Variants in ENTR1 observed in about 807,000 individuals in gnomAD.
ENTR1 encodes endosome-associated-trafficking regulator 1.
Under a neutral mutation model 47.9 loss-of-function variants are expected in ENTR1, and 47 were observed. The ratio of observed to expected loss-of-function variants is 0.98; its 90% CI spans 0.78 to 1.25. The LOEUF (loss-of-function observed/expected upper bound fraction) is 1.25, where lower values mean the gene tolerates loss of function less well. Among genes scored for constraint, ENTR1 ranks in the 50% most tolerant of loss-of-function variants. The pLI is 0.00. For synonymous variants in ENTR1, 290 were observed against 245.8 expected (o/e 1.18, Z -1.68); for missense variants, 668 against 570.5 (o/e 1.17, Z -1.74).
In ENTR1 at chr9:136,404,116, T is replaced by C. The variant is rs768022254; in HGVS notation, c.1147A>G (p.Asn383Asp). 3 of 1,613,446 alleles carry C rather than the reference T, an allele frequency of 1.9e-6. No homozygotes were observed. Among genetic ancestry groups the C allele is most frequent in the Non-Finnish European group, 1.7e-6 (2 of 1,179,844 alleles). Residue 383 changes from asparagine to aspartate, a missense_variant, in exon 9 of 10, where the codon AAC (asparagine) becomes GAC (aspartate). Coordinates refer to ENST00000357365, the MANE Select transcript of ENTR1 (RefSeq NM_001039707.2). Reference sequence around the variant, plus strand: ...AGGTTCTGCAGGGCCACGTCGGCGTTCTGCTTCACCACGGTCAGGCTGGCA... The same window carrying C: ...AGGTTCTGCAGGGCCACGTCGGCGTCCTGCTTCACCACGGTCAGGCTGGCA... ...QGASLTVVKQ[N>D]ADVALQNLRV...
At position 136,407,878 on chromosome 9, in the gene ENTR1, G is replaced by T; in HGVS notation, c.350C>A (p.Thr117Asn). The change falls in exon 4 of 10, where the codon ACC (threonine) becomes AAC (asparagine). Residue 117 changes from threonine to asparagine, a missense_variant. Physicochemically the swap from Thr to Asn is moderately conservative, Grantham distance 65. Transcript: ENST00000357365. ...CTCTTTCGAGAGGCCGAGGTTCTTG[G>T]TCTTCAGAAACTCTCTAAAAGAGAA... ...NPFSFREFLK[T>N]KNLGLSKEDP... The T allele has an allele frequency of 6.2e-7, 1 of 1,613,628 alleles. No individual in the cohort carries two copies. The highest frequency in any genetic ancestry group is 8.5e-7 in the Non-Finnish European group (1 of 1,179,604).
At position 136,407,538 on chromosome 9, in the gene ENTR1, T is replaced by C. The variant is rs1295221666; in HGVS notation, c.426A>G (p.Gly142=). 11 of 1,545,732 alleles carry C rather than the reference T, an allele frequency of 7.1e-6. No individual in the cohort carries two copies. Among genetic ancestry groups the C allele is most frequent in the Non-Finnish European group, 9.6e-6 (11 of 1,151,388 alleles). Residue 142 remains glycine (G), a synonymous_variant, in exon 5 of 10, where the codon GGA becomes GGG. Coordinates refer to ENST00000357365, the MANE Select transcript of ENTR1 (RefSeq NM_001039707.2). ...GGGAGGGTGGGGAGTTGTGGTCAAGTCCCAGGGAATGCCTCGAGGCTTCCT... is the reference window on the plus strand; with the variant it reads ...GGGAGGGTGGGGAGTTGTGGTCAAGCCCCAGGGAATGCCTCGAGGCTTCCT... ...YAKEASRHSL[G]LDHNSPPSQT...
intron 7 of ENTR1, 43 bp downstream of exon 7, chr9:136,405,048 C>T: frequency 6.6e-7 from 1 of 1,515,906 alleles, no homozygotes. Flanking sequence ...CAGGAGCGCT[C>T]CTGCCCCACC....
intron 9 of ENTR1, among the ~76,000 whole-genome samples, chr9:136,403,721 G>A (rs965377596): frequency 3.3e-5 from 5 of 152,114 alleles, no homozygotes; most frequent in Non-Finnish European, 7.4e-5. Context: ...CTTCTGGGAA[G>A]TGGCTTTTTC....
intron 9 of ENTR1, 154 bp downstream of exon 9, chr9:136,403,901 G>T: frequency 1.2e-6 from 1 of 863,756 alleles, no homozygotes; most frequent in Non-Finnish European, 1.8e-6. Flanking sequence ...GACCCAGAGA[G>T]CTAACAGGAC....
At position 136,407,178 on chromosome 9, in the gene ENTR1, C is replaced by T; in HGVS notation, c.786G>A (p.Arg262=). Residue 262 remains arginine (R), a synonymous_variant, in exon 5 of 10, where the codon AGG becomes AGA. Coordinates refer to ENST00000357365, the MANE Select transcript of ENTR1 (RefSeq NM_001039707.2). ...FAVHGESLGD[R]HLRTLQISYD... ...AACTTATCTGCAGCGTCCGCAGGTGCCTGTCTCCCAGAGACTCTCCATGAA... is the reference window on the plus strand; with the variant it reads ...AACTTATCTGCAGCGTCCGCAGGTGTCTGTCTCCCAGAGACTCTCCATGAA... 6.2e-7 allele frequency: 1 copy of T among 1,607,348 alleles called. No homozygotes were observed. Among genetic ancestry groups the T allele is most frequent in the African/African-American group, 1.3e-5 (1 of 74,926 alleles).
rs1834857805 is a variant in ENTR1, at chr9:136,407,883, C to T, written c.345G>A (p.Leu115=). 6.2e-7 allele frequency: 1 copy of T among 1,613,642 alleles called. No individual in the cohort carries two copies. The highest frequency in any genetic ancestry group is 8.5e-7 in the Non-Finnish European group (1 of 1,179,586). The change falls in exon 4 of 10, where the codon CTG becomes CTA. Residue 115 remains leucine (L), a synonymous_variant. Transcript: ENST00000357365. ...EANPFSFREF[L]KTKNLGLSKE... is the part of the protein sequence containing the mutation. ...TCGAGAGGCCGAGGTTCTTGGTCTTCAGAAACTCTCTAAAAGAGAATGGAT... is the reference window on the plus strand; with the variant it reads ...TCGAGAGGCCGAGGTTCTTGGTCTTTAGAAACTCTCTAAAAGAGAATGGAT...
intron 4 of ENTR1, 74 bp from the exon 5 acceptor site, chr9:136,407,635 T>A: frequency 1.3e-6 from 2 of 1,487,474 alleles, no homozygotes; most frequent in Non-Finnish European, 1.8e-6. Context: ...TTCTGTGTTC[T>A]GCCTCGCAAC....
In ENTR1 at chr9:136,402,847, C is replaced by T. The variant is rs369068460; in HGVS notation, c.1249G>A (p.Glu417Lys). ...ATTCTGTCTATAGATTTAAGGATTTCGGCAACAAGATTCAGTGTCTCAGCT... is the reference window on the plus strand; with the variant it reads ...ATTCTGTCTATAGATTTAAGGATTTTGGCAACAAGATTCAGTGTCTCAGCT... ...SGAETLNLVA[E>K]ILKSIDRISE... The change falls in exon 10 of 10, where the codon GAA becomes AAA. Residue 417 changes from glutamate to lysine, a missense_variant. Glu to Lys is a moderately conservative substitution (Grantham distance 56). Coordinates refer to ENST00000357365, the MANE Select transcript of ENTR1 (RefSeq NM_001039707.2). 27 of 1,612,810 alleles carry T rather than the reference C, an allele frequency of 1.7e-5. No homozygotes were observed. The highest frequency in any genetic ancestry group is 1.1e-4 in the African/African-American group (8 of 74,756).
chr9:136,410,184 G>T lies in ENTR1; in HGVS notation c.126C>A (p.Pro42=), dbSNP rs781328096. The T allele has an allele frequency of 3.1e-6, 5 of 1,608,020 alleles. No homozygotes were observed. Among genetic ancestry groups the T allele is most frequent in the Non-Finnish European group, 4.2e-6 (5 of 1,178,082 alleles). The part of the protein sequence containing the change: ...SCLPQLNCER[P]HGRDLDSPFF... ...AGGGGGAGTCCAGGTCCCTGCCATG[G>T]GGGCGCTCACAATTTAGCTGGGGGA... The change falls in exon 2 of 10, where the codon CCC becomes CCA. Residue 42 remains proline (P), a synonymous_variant. Coordinates refer to ENST00000357365, the MANE Select transcript of ENTR1 (RefSeq NM_001039707.2).
At chr9:136,404,556 C>G (rs1834667385) in intron 8 of ENTR1, 75 bp downstream of exon 8, 1 of 1,490,954 alleles carries the variant, frequency 6.7e-7, no homozygotes, top group Non-Finnish European at 9.3e-7. Context: ...CAGAGTCTTT[C>G]GCCTCTTTCT....
At chr9:136,409,989 G>T in intron 2 of ENTR1, 101 bp downstream of exon 2, 1 of 1,407,442 alleles carries the variant, frequency 7.1e-7, no homozygotes, top group Non-Finnish European at 1.0e-6. Flanking sequence ...TGAGCGCTCT[G>T]CACATTGATG....
At chr9:136,405,328 G>C in intron 6 of ENTR1, 126 bp from the exon 7 acceptor site, 1 of 720,332 alleles carries the variant, frequency 1.4e-6, no homozygotes, top group Non-Finnish European at 2.4e-6. Context: ...AGGCACAGAG[G>C]GGAGGCAGCG....
rs1485069168 is a variant in ENTR1, at chr9:136,402,719, A to G, written c.*69T>C. ...ACTGCATATTTAAGGACACAACTGC[A>G]CATTTAGATCGAGCGGTGGTGACCT... On this transcript the variant is annotated 3_prime_UTR_variant, in exon 10 of 10. Coordinates refer to ENST00000357365, the MANE Select transcript of ENTR1 (RefSeq NM_001039707.2). The G allele has an allele frequency of 5.9e-6, 6 of 1,024,418 alleles. No individual in the cohort carries two copies. The highest frequency in any genetic ancestry group is 9.2e-6 in the Non-Finnish European group (6 of 654,102). The allele number at this position is 1,024,418 out of a possible 1,614,324, so 63.5% of individuals were successfully genotyped here. A position where few individuals can be genotyped will look rare whatever the true frequency, so the allele number is the denominator to read the frequency against.
intron 7 of ENTR1, 29 bp from the exon 8 acceptor site, chr9:136,404,722 A>G (rs1458825788): frequency 6.2e-7 from 1 of 1,612,080 alleles, no homozygotes; most frequent in African/African-American, 1.3e-5. Flanking sequence ...AAACCACAAA[A>G]AGCATCACTG....
chr9:136,409,203 C>G (rs1344474522), intron 2 of ENTR1, 136 bp from the exon 3 acceptor site: 1 of 634,894 alleles, frequency 1.6e-6, no homozygotes, highest in Non-Finnish European at 2.7e-6. Flanking sequence ...TTTTTTGAGA[C>G]GGAGTCTTGC....
chr9:136,407,370 G>C lies in ENTR1; in HGVS notation c.594C>G (p.Pro198=), dbSNP rs1301450841. The change falls in exon 5 of 10, where the codon CCC becomes CCG. Residue 198 remains proline, a synonymous_variant. Transcript: ENST00000357365. ...YLPSAIEQTH[P]ERVPAGTSPC... ...GCGACGTGCCGGCAGGGACCCTCTCGGGGTGAGTCTGCTCGATGGCGGACG... is the reference window on the plus strand; with the variant it reads ...GCGACGTGCCGGCAGGGACCCTCTCCGGGTGAGTCTGCTCGATGGCGGACG... The C allele has an allele frequency of 2.5e-6, 4 of 1,607,332 alleles. No homozygotes were observed. The highest frequency in any genetic ancestry group is 3.4e-6 in the Non-Finnish European group (4 of 1,178,006).
chr9:136,403,741 G>A (rs1417769512), intron 9 of ENTR1, among the ~76,000 whole-genome samples: 1 of 152,132 alleles, frequency 6.6e-6, no homozygotes, highest in Non-Finnish European at 1.5e-5. Context: ...CAGCAGGAGG[G>A]AAACCCCCAC....
Position 136,410,555 on chromosome 9 carries a change from C to G in ENTR1, c.-158G>C. The G allele has an allele frequency of 8.8e-7, 1 of 1,137,710 alleles. No individual in the cohort carries two copies. The highest frequency in any genetic ancestry group is 1.1e-6 in the Non-Finnish European group (1 of 902,688). 70.5% of individuals were successfully genotyped at this position (1,137,710 alleles called of 1,614,324 possible). ...CGCGCCTCCGAGCCTCTCGCCGCTGCTTCCGCTCCGAGCACCGAAAGCGCG... is the reference window on the plus strand; with the variant it reads ...CGCGCCTCCGAGCCTCTCGCCGCTGGTTCCGCTCCGAGCACCGAAAGCGCG... On this transcript the variant is annotated 5_prime_UTR_variant, in exon 1 of 10. Coordinates refer to ENST00000357365, the MANE Select transcript of ENTR1 (RefSeq NM_001039707.2).
Sources: gnomAD v4.1 joint callset for allele counts (sites outside exome capture counted in the v4.1 genomes callset) on GRCh38, gnomAD v4.1.1 for gene constraint, MANE v1.5 for transcripts, NCBI Gene and HGNC (gene_info 2026-07-23, HGNC 2026-07-21) for gene names.